MCTP1: variants seen among roughly 807,000 people sequenced by gnomAD.
The protein encoded by MCTP1 is multiple C2 and transmembrane domain-containing protein 1.
A neutral mutation model predicts 120.6 loss-of-function variants in MCTP1; 69 were observed. The observed-to-expected ratio is 0.57, with a 90% CI of 0.47 to 0.70. The LOEUF (loss-of-function observed/expected upper bound fraction) is 0.70, where lower values mean the gene tolerates loss of function less well. Among genes scored for constraint, MCTP1 ranks in the 30% least tolerant of loss-of-function variants. The pLI is 0.00. For synonymous variants in MCTP1, 529 were observed against 493.1 expected (o/e 1.07, Z -0.96); for missense variants, 1,203 against 1,248.8 (o/e 0.96, Z 0.55).
At chr5:95,134,029 T>C (rs1274600524) in intron 1 of MCTP1, among the ~76,000 whole-genome samples, 5 of 152,234 alleles carry the variant, frequency 3.3e-5, no homozygotes, top group Non-Finnish European at 7.3e-5. Context: ...TGGCACGTAC[T>C]TTTCATCTGT....
intron 1 of MCTP1, among the ~76,000 whole-genome samples, chr5:95,211,379 T>C (rs1449676286): frequency 6.6e-6 from 1 of 152,220 alleles, no homozygotes; most frequent in Non-Finnish European, 1.5e-5. Context: ...CGTTTCTTTT[T>C]ACTCTTTTTT....
At chr5:94,861,486 T>A (rs1429002019) in intron 17 of MCTP1, among the ~76,000 whole-genome samples, 1 of 151,836 alleles carries the variant, frequency 6.6e-6, no homozygotes, top group Non-Finnish European at 1.5e-5. Flanking sequence ...CTAAAGCATA[T>A]TAATGACTGA....
At chr5:95,214,062 T>A (rs1422655091) in intron 1 of MCTP1, among the ~76,000 whole-genome samples, 1 of 152,254 alleles carries the variant, frequency 6.6e-6, no homozygotes, top group African/African-American at 2.4e-5. Flanking sequence ...GAAACCACCA[T>A]CAGAGTGAAC....
chr5:94,768,995 C>A lies in MCTP1; in HGVS notation c.2610+10115G>T, dbSNP rs544140872. On this transcript the variant is annotated intron_variant, in intron 19 of 22. Coordinates refer to ENST00000515393, the MANE Select transcript of MCTP1 (RefSeq NM_024717.7). ...TAATAGGATCAATCTAAGTATCCATCAACATTTTAATGAATAAAGCAAATG... is the reference window on the plus strand; with the variant it reads ...TAATAGGATCAATCTAAGTATCCATAAACATTTTAATGAATAAAGCAAATG... 3.9e-5 allele frequency among the ~76,000 whole-genome samples: 6 copies of A among 152,200 alleles called. No homozygotes were observed. The East Asian group carries it at 9.7e-4, about 24-fold the overall frequency.
At chr5:94,872,752 T>A (rs984707458) in intron 13 of MCTP1, among the ~76,000 whole-genome samples, 2 of 152,114 alleles carry the variant, frequency 1.3e-5, no homozygotes, top group African/African-American at 4.8e-5. Context: ...AATTCGAGAC[T>A]GGATTGTTTG....
chr5:94,771,612 A>G (rs538249975), intron 19 of MCTP1, among the ~76,000 whole-genome samples: 3 of 152,284 alleles, frequency 2.0e-5, no homozygotes, highest in Admixed American at 2.0e-4. Context: ...TTTGTTAGAT[A>G]CTGTTTTCAG....
chr5:94,708,591 T>A lies in MCTP1; in HGVS notation c.2849A>T (p.Lys950Ile). The A allele has an allele frequency of 6.2e-7, 1 of 1,609,036 alleles. No individual in the cohort carries two copies. Among genetic ancestry groups the A allele is most frequent in the South Asian group, 1.1e-5 (1 of 90,902 alleles). ...VLVWGINKFT[K>I]KLRSPYAIDN... ...AATTGCATATGGACTCCGAAGCTTT[T>A]TTGTAAATTTATTGATGCCTGAAAC... The change falls in exon 22 of 23, where the codon AAA (lysine) becomes ATA (isoleucine). Residue 950 changes from lysine to isoleucine, a missense_variant. This residue lies in a region of MCTP1 where 740 missense variants were observed against 871.1 expected (regional missense o/e 0.85). Transcript: ENST00000515393.
intron 17 of MCTP1, among the ~76,000 whole-genome samples, chr5:94,820,556 C>A (rs1361544782): frequency 2.0e-5 from 3 of 151,452 alleles, no homozygotes; most frequent in Non-Finnish European, 4.4e-5. Context: ...CATGTGGAGG[C>A]GAGGTGGCAT....
chr5:94,761,089 T>C (rs1771222800), intron 19 of MCTP1, among the ~76,000 whole-genome samples: 2 of 152,226 alleles, frequency 1.3e-5, no homozygotes, highest in Non-Finnish European at 2.9e-5. Flanking sequence ...AGTTTTAAAT[T>C]GCATTTTCAA....
At chr5:94,797,561 T>C (rs1780359830) in intron 18 of MCTP1, among the ~76,000 whole-genome samples, 1 of 152,174 alleles carries the variant, frequency 6.6e-6, no homozygotes, top group African/African-American at 2.4e-5. Context: ...TAGTGTGCAA[T>C]TTAAATATAT....
At chr5:94,782,578 A>T (rs1185852535) in intron 18 of MCTP1, among the ~76,000 whole-genome samples, 1 of 152,138 alleles carries the variant, frequency 6.6e-6, no homozygotes, top group East Asian at 1.9e-4. Context: ...GACTGCACAA[A>T]ATTGCAACCC....
chr5:95,004,397 G>A (rs529669074), intron 2 of MCTP1, among the ~76,000 whole-genome samples: 1 of 152,214 alleles, frequency 6.6e-6, no homozygotes, highest in South Asian at 2.1e-4. Flanking sequence ...GCCCGCTGTA[G>A]AAATTTGCAT....
At chr5:95,244,632 C>A (rs1030661410) in intron 1 of MCTP1, among the ~76,000 whole-genome samples, 1 of 152,184 alleles carries the variant, frequency 6.6e-6, no homozygotes, top group Non-Finnish European at 1.5e-5. Context: ...GGAGGAGGGA[C>A]ATCTGCCATT....
intron 5 of MCTP1, among the ~76,000 whole-genome samples, chr5:94,932,403 C>G (rs986814220): frequency 1.3e-5 from 2 of 151,892 alleles, no homozygotes; most frequent in East Asian, 1.9e-4. Context: ...TGGATGGCAT[C>G]GTAGAATTGT....
At chr5:95,273,025 C>T (rs1759532466) in intron 1 of MCTP1, among the ~76,000 whole-genome samples, 1 of 152,220 alleles carries the variant, frequency 6.6e-6, no homozygotes, top group South Asian at 2.1e-4. Context: ...GTGCAGCCCA[C>T]GTCTGCTCTC....
At chr5:94,715,881 C>T (rs1351173387) in intron 19 of MCTP1, among the ~76,000 whole-genome samples, 1 of 152,186 alleles carries the variant, frequency 6.6e-6, no homozygotes, top group Non-Finnish European at 1.5e-5. Flanking sequence ...AACACTTGCA[C>T]ACTATGCCAG....
chr5:94,924,323 C>T (rs985371059), intron 6 of MCTP1, among the ~76,000 whole-genome samples: 3 of 152,008 alleles, frequency 2.0e-5, no homozygotes, highest in Non-Finnish European at 4.4e-5. Flanking sequence ...ACTGTTCAAG[C>T]ATATTTTAAT....
chr5:95,218,025 G>C (rs1357799464), intron 1 of MCTP1, among the ~76,000 whole-genome samples: 1 of 152,174 alleles, frequency 6.6e-6, no homozygotes, highest in Admixed American at 6.5e-5. Flanking sequence ...CTAGAGGCTT[G>C]GAGATCTAGC....
chr5:95,235,034 G>C (rs1755388542), intron 1 of MCTP1, among the ~76,000 whole-genome samples: 1 of 151,770 alleles, frequency 6.6e-6, no homozygotes, highest in Non-Finnish European at 1.5e-5. Flanking sequence ...GAAAACTATA[G>C]ACCAATATAG....
Sources: allele counts gnomAD v4.1 joint callset (sites outside exome capture counted in the v4.1 genomes callset), GRCh38; gene constraint gnomAD v4.1.1; regional missense constraint gnomAD v4.1.1; transcripts MANE v1.5; gene names NCBI Gene and HGNC (gene_info 2026-07-23, HGNC 2026-07-21).